TRPC5: variants seen among roughly 807,000 people sequenced by gnomAD.
The protein encoded by TRPC5 is transient receptor potential cation channel subfamily C member 5.
A neutral mutation model predicts 56.5 loss-of-function variants in TRPC5; 9 were observed. The ratio of observed to expected loss-of-function variants is 0.16; its 90% CI spans 0.10 to 0.28. TRPC5 has a LOEUF of 0.28. Ranked by LOEUF, TRPC5 falls within the 10% of genes least tolerant of loss-of-function variation. TRPC5 has a pLI of 1.00. For missense variants in TRPC5, 469 were observed against 748.9 expected (o/e 0.63, Z 4.36); for synonymous variants, 282 against 278.5 (o/e 1.01, Z -0.13).
chrX:112,058,702 T>C (rs1930394284), intron 1 of TRPC5, among the ~76,000 whole-genome samples: 1 of 112,241 alleles, frequency 8.9e-6, no homozygotes, highest in African/African-American at 3.2e-5. Flanking sequence ...AGAAAAGCGA[T>C]GTGACTTGCT....
chrX:111,999,839 A>G (rs976539880), intron 1 of TRPC5, among the ~76,000 whole-genome samples: 1 of 111,161 alleles, frequency 9.0e-6, no homozygotes, highest in Non-Finnish European at 1.9e-5. Flanking sequence ...GGTGGTACAC[A>G]CCTGTGATCC....
chrX:112,015,199 C>T (rs894569751), intron 1 of TRPC5, among the ~76,000 whole-genome samples: 3 of 110,931 alleles, frequency 2.7e-5, no homozygotes, highest in South Asian at 3.9e-4. Flanking sequence ...GCCACCACAC[C>T]TGGCTAATTT....
chrX:111,924,798 G>A (rs1381319935), intron 2 of TRPC5, among the ~76,000 whole-genome samples: 1 of 112,652 alleles, frequency 8.9e-6, no homozygotes, highest in African/African-American at 3.2e-5. Context: ...TACTGTTGCT[G>A]ACCTGTTGGC....
intron 1 of TRPC5, among the ~76,000 whole-genome samples, chrX:112,046,071 A>G (rs1157492727): frequency 9.1e-6 from 1 of 110,492 alleles, no homozygotes; most frequent in East Asian, 2.8e-4. Context: ...GCACAGCCCT[A>G]TAACAAATAA....
chrX:111,804,895 G>A (rs1324171806), intron 7 of TRPC5, among the ~76,000 whole-genome samples: 1 of 111,889 alleles, frequency 8.9e-6, no homozygotes, highest in African/African-American at 3.3e-5. Context: ...TGTTGAATAC[G>A]AGTGGTGAAA....
At chrX:111,906,408 G>A (rs899424809) in intron 3 of TRPC5, among the ~76,000 whole-genome samples, 1 of 110,311 alleles carries the variant, frequency 9.1e-6, no homozygotes, top group Non-Finnish European at 1.9e-5. Flanking sequence ...TGTTGAACGC[G>A]TGTAAATACA....
At chrX:111,901,646 G>A (rs138876552) in intron 3 of TRPC5, 7 of 328,462 alleles carry the variant, frequency 2.1e-5, no homozygotes, top group Admixed American at 5.5e-5. Context: ...TTCTGTGCGC[G>A]GTTTACCAAC....
intron 1 of TRPC5, among the ~76,000 whole-genome samples, chrX:111,958,146 C>T (rs1339080452): frequency 9.0e-6 from 1 of 111,730 alleles, no homozygotes; most frequent in East Asian, 2.8e-4. Flanking sequence ...GGGGTCCTTA[C>T]ACTTTAGTCC....
At chrX:111,998,735 G>A (rs6642974) in intron 1 of TRPC5, among the ~76,000 whole-genome samples, 2 of 111,343 alleles carry the variant, frequency 1.8e-5, no homozygotes, top group East Asian at 5.7e-4. Flanking sequence ...GGTTCCACAG[G>A]GCCAGCTTCA....
At chrX:111,893,361 C>T (rs1441604855) in intron 3 of TRPC5, among the ~76,000 whole-genome samples, 1 of 111,555 alleles carries the variant, frequency 9.0e-6, no homozygotes, top group Non-Finnish European at 1.9e-5. Context: ...GGCCTGGGAG[C>T]CTCTCATAGC....
chrX:111,944,304 G>GTGAA (rs1556592186), intron 2 of TRPC5, among the ~76,000 whole-genome samples: 3,709 of 69,954 alleles, frequency 0.053, 109 homozygotes, highest in African/African-American at 0.13. Context: ...GTGTGTGTGT[G>GTGAA]AGAGAGAGAG....
chrX:111,975,524 C>A (rs1927897848), intron 1 of TRPC5, among the ~76,000 whole-genome samples: 1 of 110,604 alleles, frequency 9.0e-6, no homozygotes, highest in Non-Finnish European at 1.9e-5. Context: ...TTTGCTGCAC[C>A]CATCAACTCG....
At chrX:112,064,236 A>T (rs985530962) in intron 1 of TRPC5, among the ~76,000 whole-genome samples, 10 of 112,140 alleles carry the variant, frequency 8.9e-5, no homozygotes, top group African/African-American at 3.2e-4. Flanking sequence ...GATTAATTTG[A>T]TCCTCACAAC....
At chrX:111,991,461 G>C (rs958557511) in intron 1 of TRPC5, among the ~76,000 whole-genome samples, 1 of 112,055 alleles carries the variant, frequency 8.9e-6, no homozygotes, top group Non-Finnish European at 1.9e-5. Flanking sequence ...ACGAATGGGG[G>C]ACAGTGGCCA....
chrX:111,786,304 C>T (rs780112395), intron 7 of TRPC5, among the ~76,000 whole-genome samples: 1 of 111,195 alleles, frequency 9.0e-6, no homozygotes, highest in African/African-American at 3.3e-5. Flanking sequence ...AATTTCATAT[C>T]CACCCAAACT....
At chrX:112,031,681 A>C (rs1465403024) in intron 1 of TRPC5, among the ~76,000 whole-genome samples, 1 of 109,886 alleles carries the variant, frequency 9.1e-6, no homozygotes, top group Non-Finnish European at 1.9e-5. Context: ...ATATCTATAT[A>C]CATAGATGTA....
At chrX:111,822,520 G>A (rs1922064987) in intron 7 of TRPC5, among the ~76,000 whole-genome samples, 1 of 111,586 alleles carries the variant, frequency 9.0e-6, no homozygotes, top group Non-Finnish European at 1.9e-5. Flanking sequence ...CAGCCTTAAG[G>A]TAAAGAAACA....
intron 2 of TRPC5, among the ~76,000 whole-genome samples, chrX:111,938,617 G>A (rs1304107999): frequency 9.0e-6 from 1 of 111,135 alleles, no homozygotes; most frequent in Non-Finnish European, 1.9e-5. Flanking sequence ...TGTGGTTTTT[G>A]TCTTTGGTTC....
At chrX:112,024,400 C>T (rs750879992) in intron 1 of TRPC5, among the ~76,000 whole-genome samples, 16 of 111,734 alleles carry the variant, frequency 1.4e-4, no homozygotes, top group Non-Finnish European at 3.0e-4. Flanking sequence ...ACCCTTCCTG[C>T]CTGACTACTT....
Sources: allele counts gnomAD v4.1 joint callset (sites outside exome capture counted in the v4.1 genomes callset), GRCh38; gene constraint gnomAD v4.1.1; transcripts MANE v1.5; gene names NCBI Gene and HGNC (gene_info 2026-07-23, HGNC 2026-07-21).